The following HPSE2 variants were observed in gnomAD, a reference collection of about 807,000 sequenced individuals.
HPSE2 encodes heparanase 2 (inactive).
A neutral mutation model predicts 60.5 loss-of-function variants in HPSE2; 38 were observed. The observed-to-expected ratio is 0.63, with a 90% CI of 0.48 to 0.82. HPSE2 has a LOEUF of 0.82. HPSE2 is among the 40% of genes least tolerant of loss of function. HPSE2 has a pLI of 0.00. For synonymous variants in HPSE2, 295 were observed against 293.2 expected (o/e 1.01, Z -0.06); for missense variants, 713 against 740.4 (o/e 0.96, Z 0.43).
intron 3 of HPSE2, among the ~76,000 whole-genome samples, chr10:99,022,320 A>C (rs1442003839): frequency 1.3e-5 from 2 of 152,104 alleles, no homozygotes; most frequent in African/African-American, 4.8e-5. Context: ...GCCAGAAGGG[A>C]ATCACCAATC....
intron 5 of HPSE2, 71 bp from the exon 6 acceptor site, chr10:98,694,018 A>G (rs1948147692): frequency 8.2e-7 from 1 of 1,213,082 alleles, no homozygotes; most frequent in Admixed American, 1.7e-5. Flanking sequence ...AAAAGGAAAT[A>G]AACTGAGACA....
intron 2 of HPSE2, among the ~76,000 whole-genome samples, chr10:99,226,488 A>C (rs1315738665): frequency 3.3e-5 from 5 of 151,988 alleles, no homozygotes; most frequent in Non-Finnish European, 7.4e-5. Flanking sequence ...GTTTACTGAG[A>C]GTTACAGATT....
At chr10:99,114,387 C>A (rs988814784) in intron 3 of HPSE2, among the ~76,000 whole-genome samples, 1 of 152,186 alleles carries the variant, frequency 6.6e-6, no homozygotes, top group African/African-American at 2.4e-5. Flanking sequence ...CTCTAAGAAA[C>A]TGCTTCTCAT....
the HPSE2 span, among the ~76,000 whole-genome samples, chr10:99,261,124 C>T: frequency 2.6e-5 from 4 of 152,314 alleles, no homozygotes; most frequent in East Asian, 7.7e-4. Flanking sequence ...TCCCTAGTCT[C>T]TGCTCCCAAT....
chr10:99,274,616 G>C, the HPSE2 span, among the ~76,000 whole-genome samples: 1 of 152,000 alleles, frequency 6.6e-6, no homozygotes. Context: ...AAATAAATTT[G>C]ACTGTCATAT....
intron 2 of HPSE2, among the ~76,000 whole-genome samples, chr10:99,194,087 G>GT (rs1848313330): frequency 6.6e-6 from 1 of 151,980 alleles, no homozygotes; most frequent in South Asian, 2.1e-4. Flanking sequence ...TTCTCTGAAT[G>GT]TAACAGAATA....
chr10:98,911,315 C>T (rs1953972155), intron 3 of HPSE2, among the ~76,000 whole-genome samples: 1 of 152,156 alleles, frequency 6.6e-6, no homozygotes, highest in African/African-American at 2.4e-5. Context: ...AAGGGGTTCA[C>T]AGGCTTCTGA....
At chr10:98,739,256 A>C (rs1949434568) in intron 4 of HPSE2, among the ~76,000 whole-genome samples, 1 of 152,120 alleles carries the variant, frequency 6.6e-6, no homozygotes, top group African/African-American at 2.4e-5. Flanking sequence ...CTCACTTATA[A>C]GTGGGAGGTG....
intron 5 of HPSE2, among the ~76,000 whole-genome samples, chr10:98,696,347 C>T (rs1379724807): frequency 1.5e-5 from 2 of 137,494 alleles, no homozygotes; most frequent in African/African-American, 5.3e-5. Flanking sequence ...CCTGCACCAA[C>T]AACCAAGGTA....
intron 3 of HPSE2, among the ~76,000 whole-genome samples, chr10:99,015,673 T>TG (rs1957123735): frequency 7.6e-6 from 1 of 132,178 alleles, no homozygotes; most frequent in Non-Finnish European, 1.6e-5. Flanking sequence ...TGTTGTGGGG[T>TG]GGGGGGAGAG....
intron 3 of HPSE2, among the ~76,000 whole-genome samples, chr10:98,968,015 A>C (rs1377824079): frequency 6.6e-6 from 1 of 152,198 alleles, no homozygotes; most frequent in Non-Finnish European, 1.5e-5. Flanking sequence ...AAACCTTTAA[A>C]GGACTGAAAA....
At chr10:98,715,854 A>G (rs1948777859) in intron 5 of HPSE2, among the ~76,000 whole-genome samples, 1 of 151,928 alleles carries the variant, frequency 6.6e-6, no homozygotes, top group Non-Finnish European at 1.5e-5. Flanking sequence ...GAAGGCTGGG[A>G]TGGCTGTGGC....
At chr10:98,518,038 C>T (rs558245633) in intron 9 of HPSE2, among the ~76,000 whole-genome samples, 1 of 152,296 alleles carries the variant, frequency 6.6e-6, no homozygotes, top group Non-Finnish European at 1.5e-5. Flanking sequence ...TCCTTCAGCT[C>T]TTCCCAAAAC....
At chr10:98,781,066 G>A (rs1352226966) in intron 3 of HPSE2, among the ~76,000 whole-genome samples, 1 of 151,948 alleles carries the variant, frequency 6.6e-6, no homozygotes, top group African/African-American at 2.4e-5. Flanking sequence ...CGATATGTAG[G>A]AAGCCTGGAA....
the HPSE2 span, among the ~76,000 whole-genome samples, chr10:99,312,492 G>T: frequency 6.6e-6 from 1 of 152,260 alleles, no homozygotes; most frequent in African/African-American, 2.4e-5. Flanking sequence ...TTGTCACAAA[G>T]CCTGGATGAC....
At chr10:98,907,917 T>A (rs1332015901) in intron 3 of HPSE2, among the ~76,000 whole-genome samples, 1 of 152,322 alleles carries the variant, frequency 6.6e-6, no homozygotes, top group South Asian at 2.1e-4. Context: ...GAAAATCTCT[T>A]TCACCATTGT....
At chr10:98,652,411 T>C (rs1260684137) in intron 6 of HPSE2, among the ~76,000 whole-genome samples, 2 of 152,308 alleles carry the variant, frequency 1.3e-5, no homozygotes, top group African/African-American at 4.8e-5. Flanking sequence ...GTCCCACATA[T>C]ACCCTTTCAG....
Position 98,459,646 on chromosome 10 carries a change from C to G in HPSE2, c.1707G>C (p.Leu569Phe), listed in dbSNP as rs377504467. The change falls in exon 12 of 12, where the codon TTG becomes TTC. Residue 569 changes from leucine to phenylalanine, a missense_variant. Coordinates refer to ENST00000370552, the MANE Select transcript of HPSE2 (RefSeq NM_021828.5). ...KPRPLRAGRT[L>F]VIPPVTMGFY... ...AGCCCATGGTGACTGGAGGGATGAC[C>G]AATGTCCGGCCGGCCCGAAGGGGGC... 124 of 1,614,022 alleles carry G rather than the reference C, an allele frequency of 7.7e-5. No homozygotes were observed. Among genetic ancestry groups the G allele is most frequent in the Non-Finnish European group, 9.4e-5 (111 of 1,180,038 alleles).
chr10:99,235,649 C>CTCTGTCTACAGGCAAGGGTCT lies in HPSE2; in HGVS notation c.133_153dup (p.Arg45_Arg51dup), dbSNP rs753004366. ...AGGGTCTTTTCCTTCAAACCTGCAG[C>CTCTGTCTACAGGCAAGGGTCT]TCTGTCTACAGGCAAGGGTCTCCTG... On this transcript the variant is annotated inframe_insertion, in exon 1 of 12. Transcript: ENST00000370552. 6.2e-6 allele frequency: 10 copies of CTCTGTCTACAGGCAAGGGTCT among 1,613,958 alleles called. No individual in the cohort carries two copies. Among genetic ancestry groups the CTCTGTCTACAGGCAAGGGTCT allele is most frequent in the Non-Finnish European group, 3.4e-6 (4 of 1,180,044 alleles).
Sources: gnomAD v4.1 joint callset for allele counts (sites outside exome capture counted in the v4.1 genomes callset) on GRCh38, gnomAD v4.1.1 for gene constraint, MANE v1.5 for transcripts, NCBI Gene and HGNC (gene_info 2026-07-23, HGNC 2026-07-21) for gene names.